Variants in DIS3L2 observed in about 807,000 individuals in gnomAD.
DIS3L2 encodes the protein DIS3 like 3'-5' exoribonuclease 2, also known as DIS3-like exonuclease 2.
A neutral mutation model predicts 97.5 loss-of-function variants in DIS3L2; 34 were observed. The ratio of observed to expected loss-of-function variants is 0.35; its 90% CI spans 0.27 to 0.46. The LOEUF is 0.46. Among genes scored for constraint, DIS3L2 ranks in the 20% least tolerant of loss-of-function variants. The pLI is 1.00. For synonymous variants in DIS3L2, 435 were observed against 445.2 expected, an observed-to-expected ratio of 0.98 and a Z score of 0.29; for missense variants, 1,038 against 1,146.0, an observed-to-expected ratio of 0.91 and a Z score of 1.36.
chr2:232,037,829 C>T lies in DIS3L2; in HGVS notation c.366+7749C>T, dbSNP rs1369669335. ...TTGCACTTCCTGGGTGAGGTAACGC[C>T]CCACCCTGCTTTGGCTTGCCCTCCG... On this transcript the variant is annotated intron_variant, in intron 5 of 20. Coordinates refer to ENST00000325385, the MANE Select transcript of DIS3L2 (RefSeq NM_152383.5). The surrounding 1 kb of genome is among the most constrained non-coding windows in gnomAD (Gnocchi z 4.6). 6.6e-6 allele frequency among the ~76,000 whole-genome samples: 1 copy of T among 152,174 alleles called. No homozygotes were observed. The highest frequency in any genetic ancestry group is 2.4e-5 in the African/African-American group (1 of 41,434).
chr2:231,977,580 CAGA>C (rs1693134336), intron 1 of DIS3L2, among the ~76,000 whole-genome samples: 1 of 152,152 alleles, frequency 6.6e-6, no homozygotes, highest in Non-Finnish European at 1.5e-5. Context: ...GTATTGTGGG[CAGA>C]GCCCAGGCCT....
At chr2:232,094,565 A>T (rs753812631) in intron 6 of DIS3L2, among the ~76,000 whole-genome samples, 13 of 151,994 alleles carry the variant, frequency 8.6e-5, no homozygotes, top group Non-Finnish European at 1.9e-4. Flanking sequence ...TAAAAATAGA[A>T]AAATTAGCCA....
chr2:231,966,171 CTT>C (rs59059695), intron 1 of DIS3L2, among the ~76,000 whole-genome samples: 19 of 140,378 alleles, frequency 1.4e-4, no homozygotes, highest in Non-Finnish European at 1.6e-4. Context: ...TCTTCTTCTT[CTT>C]TTTTTTTTTT....
intron 9 of DIS3L2, among the ~76,000 whole-genome samples, chr2:232,191,932 C>G (rs1056194533): frequency 6.6e-6 from 1 of 152,122 alleles, no homozygotes; most frequent in Non-Finnish European, 1.5e-5. Context: ...TCTTGAATGT[C>G]TGTCAGACCT....
At chr2:232,271,189 G>A (rs1693999712) in intron 13 of DIS3L2, among the ~76,000 whole-genome samples, 1 of 152,132 alleles carries the variant, frequency 6.6e-6, no homozygotes, top group Non-Finnish European at 1.5e-5. Flanking sequence ...AATGACCCCT[G>A]CCCCAAGTTA....
chr2:232,342,090 A>T (rs558705829), downstream of DIS3L2, among the ~76,000 whole-genome samples: 63 of 143,504 alleles, frequency 4.4e-4, no homozygotes, highest in Admixed American at 8.3e-4. Context: ...ATAGAACATC[A>T]GTAGGCTGTG....
At chr2:232,172,555 GTTGATTCCCCAGC>G in intron 9 of DIS3L2, 1 of 399,386 alleles carries the variant, frequency 2.5e-6, no homozygotes, top group South Asian at 2.0e-5. Flanking sequence ...GGACATTTGG[GTTGATTCCCCAGC>G]TTGACTATTA....
chr2:232,243,683 A>G (rs146951560), intron 11 of DIS3L2, among the ~76,000 whole-genome samples: 1 of 152,302 alleles, frequency 6.6e-6, no homozygotes, highest in Non-Finnish European at 1.5e-5. Flanking sequence ...AGTTACTTCA[A>G]ATTGTAGTTT....
intron 11 of DIS3L2, among the ~76,000 whole-genome samples, chr2:232,243,747 G>A (rs1693170806): frequency 6.6e-6 from 1 of 152,192 alleles, no homozygotes; most frequent in African/African-American, 2.4e-5. Flanking sequence ...AGAAGCAAAG[G>A]GCAGGGAAAA....
In DIS3L2 at chr2:232,136,455, A is replaced by T. The variant is rs770915716; in HGVS notation, c.703-17A>T. The T allele has an allele frequency of 1.9e-6, 3 of 1,613,186 alleles. No individual in the cohort carries two copies. Among genetic ancestry groups the T allele is most frequent in the Non-Finnish European group, 1.7e-6 (2 of 1,179,368 alleles). Reference sequence around the variant, plus strand: ...TCTGCAGATAAACAACATTGACTATATCTTTGGTGTTTTTAGGTGGTTTAC... The same window carrying T: ...TCTGCAGATAAACAACATTGACTATTTCTTTGGTGTTTTTAGGTGGTTTAC... On this transcript the variant is annotated splice_polypyrimidine_tract_variant and intron_variant, in intron 7 of 20. Transcript: ENST00000325385.
Position 232,263,195 on chromosome 2 carries a change from C to T in DIS3L2, c.1426-12C>T. Reference sequence around the variant, plus strand: ...TCCTCACAATTCCCTTGTAATCTGTCCATCTTTGCAGATCCTTGATGAATG... The same window carrying T: ...TCCTCACAATTCCCTTGTAATCTGTTCATCTTTGCAGATCCTTGATGAATG... On this transcript the variant is annotated splice_polypyrimidine_tract_variant and intron_variant, in intron 12 of 20. Coordinates refer to ENST00000325385, the MANE Select transcript of DIS3L2 (RefSeq NM_152383.5). 1 of 1,613,158 alleles carries T rather than the reference C, an allele frequency of 6.2e-7. No homozygotes were observed. Among genetic ancestry groups the T allele is most frequent in the East Asian group, 2.2e-5 (1 of 44,862 alleles).
intron 1 of DIS3L2, among the ~76,000 whole-genome samples, chr2:232,008,064 C>T (rs748756235): frequency 7.2e-5 from 11 of 151,878 alleles, no homozygotes; most frequent in African/African-American, 1.9e-4. Flanking sequence ...TGGAGTTCAG[C>T]GATGTAATCA....
intron 14 of DIS3L2, among the ~76,000 whole-genome samples, chr2:232,318,998 G>A (rs1695354017): frequency 6.6e-6 from 1 of 152,222 alleles, no homozygotes; most frequent in Non-Finnish European, 1.5e-5. Context: ...CAGTGGCCAT[G>A]GCCACTCCTT....
chr2:232,343,486 T>C lies in DIS3L2; in HGVS notation c.1723T>C (p.Phe575Leu), dbSNP rs759100787. 61 of 1,556,080 alleles carry C rather than the reference T, an allele frequency of 3.9e-5. No individual in the cohort carries two copies. In the African/African-American group the frequency reaches 6.8e-4, roughly 17 times the overall value. The change falls in exon 14 of 14, where the codon TTT becomes CTT. Residue 575 changes from phenylalanine (F) to leucine (L), a missense_variant. Coordinates refer to the DIS3L2 transcript ENST00000273009. ...TGACAGGGATCCAGACACACGACTG[T>C]TTTTCCTTCAGCAACAGAGCCGTGT...
chr2:232,263,990 G>A (rs1468658934), intron 13 of DIS3L2, among the ~76,000 whole-genome samples: 1 of 152,236 alleles, frequency 6.6e-6, no homozygotes, highest in Non-Finnish European at 1.5e-5. Flanking sequence ...CGGTCCCATT[G>A]TTTTGGGCAC....
chr2:232,305,753 G>A (rs769350122), intron 14 of DIS3L2, among the ~76,000 whole-genome samples: 15 of 151,982 alleles, frequency 9.9e-5, no homozygotes, highest in East Asian at 3.9e-4. Flanking sequence ...TCAGGAGTTC[G>A]AGACCAGCCT....
intron 4 of DIS3L2, among the ~76,000 whole-genome samples, chr2:232,028,868 A>T (rs1694730447): frequency 1.3e-5 from 2 of 152,210 alleles, no homozygotes; most frequent in African/African-American, 4.8e-5. Flanking sequence ...GTTTTGGCAG[A>T]GTGTGCAAGC....
chr2:231,994,141 T>C (rs1289847117), intron 1 of DIS3L2, among the ~76,000 whole-genome samples: 4 of 151,638 alleles, frequency 2.6e-5, no homozygotes, highest in Admixed American at 2.0e-4. Flanking sequence ...TTGAAAAGGC[T>C]ATCTTTCCTC....
chr2:232,158,348 C>T (rs966083562), intron 8 of DIS3L2, among the ~76,000 whole-genome samples: 9 of 150,474 alleles, frequency 6.0e-5, no homozygotes, highest in East Asian at 1.9e-4. Flanking sequence ...TGTGTGTGTT[C>T]GGGTTCTCTG....
Sources: gnomAD v4.1 joint callset for allele counts (sites outside exome capture counted in the v4.1 genomes callset) on GRCh38, gnomAD v4.1.1 for gene constraint, Gnocchi (gnomAD v3.1) non-coding constraint, MANE v1.5 for transcripts, NCBI Gene and HGNC (gene_info 2026-07-23, HGNC 2026-07-21) for gene names.